Variants in TMEM53 observed in about 807,000 individuals in gnomAD.
TMEM53 encodes novel DUF829 domain-containing protein.
A neutral mutation model predicts 21.4 loss-of-function variants in TMEM53; 14 were observed. The observed-to-expected ratio is 0.65, with a 90% confidence interval of 0.43 to 1.02. The LOEUF is 1.02. Ranked by LOEUF, TMEM53 falls within the 50% of genes least tolerant of loss-of-function variation. TMEM53 has a pLI of 0.00. For synonymous variants in TMEM53, 148 were observed against 157.4 expected (o/e 0.94, Z 0.45); for missense variants, 323 against 383.6 (o/e 0.84, Z 1.32).
chr1:44,674,294 C>T (rs199917857), intron 1 of TMEM53, 37 bp downstream of exon 1: 132 of 1,586,626 alleles, frequency 8.3e-5, no homozygotes, highest in Non-Finnish European at 1.1e-4. Context: ...TTCATGAGGT[C>T]ACCTCCCCGC....
At chr1:44,669,851 T>C (rs947024239) in intron 1 of TMEM53, among the ~76,000 whole-genome samples, 3 of 148,798 alleles carry the variant, frequency 2.0e-5, no homozygotes, top group East Asian at 3.9e-4. Flanking sequence ...TAGGCTGGAG[T>C]GCAATGGCAC....
intron 1 of TMEM53, among the ~76,000 whole-genome samples, chr1:44,663,239 T>C (rs936024164): frequency 1.1e-4 from 16 of 151,882 alleles, no homozygotes; most frequent in Non-Finnish European, 1.2e-4. Context: ...ACACTTTTGT[T>C]GTTGTTGTTG....
rs566868418 is a variant in TMEM53, at chr1:44,660,106, T to G, written c.183+68A>C. 4.5e-6 allele frequency: 7 copies of G among 1,560,280 alleles called. No individual in the cohort carries two copies. In the South Asian group the frequency reaches 7.1e-5, roughly 16 times the overall value. On this transcript the variant is annotated intron_variant, in intron 2 of 2. Transcript: ENST00000372237. ...CTCTAGAGGCTGTTCTTAAAGCCAT[T>G]CCCAGTCCTGCCTCAAAGGTGGTCA...
At chr1:44,660,128 G>A (rs1479056934) in intron 2 of TMEM53, 46 bp downstream of exon 2, 2 of 1,591,814 alleles carry the variant, frequency 1.3e-6, no homozygotes, top group Non-Finnish European at 1.7e-6. Context: ...CTCAAAGGTG[G>A]TCAGCCCTCA....
At chr1:44,670,858 G>A (rs1031532689) in intron 1 of TMEM53, among the ~76,000 whole-genome samples, 4 of 152,176 alleles carry the variant, frequency 2.6e-5, no homozygotes, top group Non-Finnish European at 5.9e-5. Flanking sequence ...AGAGCCACAC[G>A]GTGCCTTTAA....
chr1:44,659,328 G>A (rs1035565359), intron 2 of TMEM53, among the ~76,000 whole-genome samples: 1 of 152,166 alleles, frequency 6.6e-6, no homozygotes, highest in Non-Finnish European at 1.5e-5. Flanking sequence ...TGTCTGTATG[G>A]GTACCCCTGC....
chr1:44,671,739 A>C (rs1286365112), intron 1 of TMEM53, among the ~76,000 whole-genome samples: 1 of 152,220 alleles, frequency 6.6e-6, no homozygotes, highest in Non-Finnish European at 1.5e-5. Flanking sequence ...GACCAGCCTA[A>C]CCAATATGGT....
chr1:44,674,460 G>C lies in TMEM53; in HGVS notation c.-69C>G. The C allele has an allele frequency of 1.3e-6, 2 of 1,519,424 alleles. No individual in the cohort carries two copies. Among genetic ancestry groups the C allele is most frequent in the Middle Eastern group, 1.9e-4 (1 of 5,196 alleles). 94.1% of individuals were successfully genotyped at this position (1,519,424 alleles called of 1,614,324 possible). ...CCGCTTGCGCACCCGTGCCTCACCC[G>C]GGCGCCTCCTGGGCGCCGCCCAATC... On this transcript the variant is annotated 5_prime_UTR_variant, in exon 1 of 3. Coordinates refer to ENST00000372237, the MANE Select transcript of TMEM53 (RefSeq NM_024587.4).
At chr1:44,660,885 A>C (rs1414778528) in intron 1 of TMEM53, among the ~76,000 whole-genome samples, 1 of 151,534 alleles carries the variant, frequency 6.6e-6, no homozygotes, top group Non-Finnish European at 1.5e-5. Context: ...AGGCAGGAGA[A>C]TGGCATGAAC....
intron 2 of TMEM53, among the ~76,000 whole-genome samples, chr1:44,658,799 G>A (rs531440882): frequency 3.9e-5 from 6 of 152,208 alleles, no homozygotes; most frequent in African/African-American, 1.4e-4. Context: ...TGATCTGCCC[G>A]CCTCAGCCTT....
chr1:44,666,619 AG>A (rs1246637454), intron 1 of TMEM53, among the ~76,000 whole-genome samples: 5 of 152,208 alleles, frequency 3.3e-5, no homozygotes, highest in Non-Finnish European at 7.3e-5. Context: ...TCAGATACAA[AG>A]GGGCACATAT....
At chr1:44,670,270 C>G (rs975295479) in intron 1 of TMEM53, among the ~76,000 whole-genome samples, 5 of 151,044 alleles carry the variant, frequency 3.3e-5, no homozygotes, top group Admixed American at 2.6e-4. Flanking sequence ...TCCATCATGA[C>G]AGATCTTCAG....
In TMEM53 at chr1:44,657,744, C is replaced by T. The variant is rs149500777; in HGVS notation, c.183+2430G>A. 9.9e-5 allele frequency among the ~76,000 whole-genome samples: 15 copies of T among 152,216 alleles called. No homozygotes were observed. The East Asian group carries it at 2.9e-3, about 29-fold the overall frequency. The stretch of plus-strand genomic sequence containing the variant: ...TTTGTGGAGATCAGGTTTCACCATG[C>T]TGTTTAGGCCGGTCTCAAACTCCTA... On this transcript the variant is annotated intron_variant, in intron 2 of 2. Coordinates refer to ENST00000372237, the MANE Select transcript of TMEM53 (RefSeq NM_024587.4).
At chr1:44,673,135 T>G (rs1360570153) in intron 1 of TMEM53, among the ~76,000 whole-genome samples, 2 of 152,198 alleles carry the variant, frequency 1.3e-5, no homozygotes, top group Non-Finnish European at 1.5e-5. Flanking sequence ...CCAAAGTATT[T>G]TTACATCTAT....
chr1:44,671,264 C>T (rs1248898041), intron 1 of TMEM53, among the ~76,000 whole-genome samples: 6 of 152,220 alleles, frequency 3.9e-5, no homozygotes, highest in African/African-American at 9.7e-5. Context: ...AGACGACCAT[C>T]GGTGTGGGCA....
intron 2 of TMEM53, among the ~76,000 whole-genome samples, chr1:44,659,911 G>A (rs867224482): frequency 6.8e-6 from 1 of 146,388 alleles, no homozygotes; most frequent in African/African-American, 2.6e-5. Context: ...CCAGGCTGGA[G>A]TGCAATGGCA....
chr1:44,656,139 CGG>C (rs1644847050), intron 2 of TMEM53, among the ~76,000 whole-genome samples: 1 of 152,022 alleles, frequency 6.6e-6, no homozygotes, highest in Admixed American at 6.6e-5. Flanking sequence ...CAGACAGGTC[CGG>C]GTTCAACTCC....
chr1:44,658,219 C>T (rs1038690470), intron 2 of TMEM53, among the ~76,000 whole-genome samples: 1 of 152,082 alleles, frequency 6.6e-6, no homozygotes, highest in African/African-American at 2.4e-5. Context: ...TGTCCCTCTA[C>T]ACACTCCCTG....
intron 1 of TMEM53, among the ~76,000 whole-genome samples, chr1:44,670,757 GTTTAC>G (rs1266736818): frequency 6.6e-6 from 1 of 152,214 alleles, no homozygotes; most frequent in Non-Finnish European, 1.5e-5. Context: ...AAGACCTTCT[GTTTAC>G]TTTAAGAGCA....
Sources: allele counts gnomAD v4.1 joint callset (sites outside exome capture counted in the v4.1 genomes callset), GRCh38; gene constraint gnomAD v4.1.1; transcripts MANE v1.5; gene names NCBI Gene and HGNC (gene_info 2026-07-23, HGNC 2026-07-21).